ATP2C2: variants seen among roughly 807,000 people sequenced by gnomAD.
ATP2C2 encodes the protein ATPase secretory pathway Ca2+ transporting 2.
A neutral mutation model predicts 110.8 loss-of-function variants in ATP2C2; 171 were observed. The ratio of observed to expected loss-of-function variants is 1.54; its 90% CI spans 1.36 to 1.75. ATP2C2 has a LOEUF of 1.75. Ranked by LOEUF, ATP2C2 falls within the 40% of genes most tolerant of loss-of-function variation. ATP2C2 has a pLI of 0.00. For missense variants in ATP2C2, 1,963 were observed against 1,235.0 expected, an observed-to-expected ratio of 1.59 and a Z score of -8.84; for synonymous variants, 804 against 508.4, an observed-to-expected ratio of 1.58 and a Z score of -7.82.
At chr16:84,420,383 C>G (rs1019416786) in intron 7 of ATP2C2, among the ~76,000 whole-genome samples, 7 of 152,148 alleles carry the variant, frequency 4.6e-5, no homozygotes, top group East Asian at 1.9e-4. Context: ...CATGTGCCTC[C>G]TCTCTTCCAA....
chr16:84,455,076 G>GGA lies in ATP2C2; in HGVS notation c.2147+93_2147+94insAG, dbSNP rs1555568540. 3.6e-5 allele frequency: 54 copies of GGA among 1,501,984 alleles called. No individual in the cohort carries two copies. In the East Asian group the frequency reaches 1.1e-3, roughly 30 times the overall value. 93.0% of individuals were successfully genotyped at this position (1,501,984 alleles called of 1,614,324 possible). A position where few individuals can be genotyped will look rare whatever the true frequency, so the allele number is the denominator to read the frequency against. ...CCTGCTACTGTGGAGATAGAGGGGG[G>GGA]GGTCTCGCGGAGTCCCCAGGGAGAG... On this transcript the variant is annotated intron_variant, in intron 21 of 26. Transcript: ENST00000262429.
In ATP2C2 at chr16:84,454,970, C is replaced by T; in HGVS notation, c.2133C>T (p.Asp711=). 1 of 1,613,528 alleles carries T rather than the reference C, an allele frequency of 6.2e-7. No individual in the cohort carries two copies. The highest frequency in any genetic ancestry group is 8.5e-7 in the Non-Finnish European group (1 of 1,179,840). Residue 711 remains aspartate, a synonymous_variant, in exon 21 of 27, where the codon GAC becomes GAT. Coordinates refer to ENST00000262429, the MANE Select transcript of ATP2C2 (RefSeq NM_014861.4). The part of the protein sequence containing the change: ...EAANMILVDD[D]FSAIMNAVEE... ...CCAACATGATCCTGGTGGATGATGA[C>T]TTCTCAGCCATCATGTAAGCTGCCC... is the stretch of plus-strand genomic sequence containing the variant.
At chr16:84,422,292 G>A in intron 7 of ATP2C2, 98 bp from the exon 8 acceptor site, 8 of 1,406,096 alleles carry the variant, frequency 5.7e-6, no homozygotes, top group African/African-American at 2.9e-5. Context: ...GTGTTCTTGA[G>A]TTCATGTCCA....
chr16:84,373,298 G>A (rs1270689550), intron 1 of ATP2C2, among the ~76,000 whole-genome samples: 3 of 152,086 alleles, frequency 2.0e-5, no homozygotes, highest in Non-Finnish European at 4.4e-5. Flanking sequence ...TTACGAGTTC[G>A]AGACCAGCCT....
At chr16:84,406,897 G>GAA (rs771309252) in intron 3 of ATP2C2, among the ~76,000 whole-genome samples, 52 of 152,122 alleles carry the variant, frequency 3.4e-4, no homozygotes, top group Non-Finnish European at 6.2e-4. Context: ...AACCCACCGT[G>GAA]AACATCTTCC....
chr16:84,459,470 C>G, intron 23 of ATP2C2, 84 bp downstream of exon 23: 1 of 1,602,304 alleles, frequency 6.2e-7, no homozygotes, highest in Non-Finnish European at 8.5e-7. Context: ...TGCCCCAAGG[C>G]TATAGGGATG....
intron 6 of ATP2C2, among the ~76,000 whole-genome samples, chr16:84,411,570 T>G (rs247819): frequency 0.57 from 87,297 of 151,926 alleles, 26,015 homozygotes; most frequent in East Asian, 0.87. Flanking sequence ...GCCTCCCAAA[T>G]AGCTGGGACT....
At chr16:84,413,294 A>AGAAAGCC (rs1183211638) in intron 6 of ATP2C2, among the ~76,000 whole-genome samples, 2 of 152,156 alleles carry the variant, frequency 1.3e-5, no homozygotes, top group African/African-American at 4.8e-5. Context: ...GGGCTAGGGT[A>AGAAAGCC]GAAAGCCGTA....
chr16:84,393,443 C>A (rs1904780265), intron 1 of ATP2C2, among the ~76,000 whole-genome samples: 1 of 152,042 alleles, frequency 6.6e-6, no homozygotes, highest in South Asian at 2.1e-4. Flanking sequence ...CCCTCACTTA[C>A]AATGTATTGG....
chr16:84,453,305 C>G lies in ATP2C2; in HGVS notation c.1930-16C>G, dbSNP rs370990491. ...TTTGAAATCTGATTCTTCGTCTTCC[C>G]CGTCTCCGTGTCCAGGTGTCCGTGT... On this transcript the variant is annotated splice_polypyrimidine_tract_variant and intron_variant, in intron 19 of 26. Coordinates refer to ENST00000262429, the MANE Select transcript of ATP2C2 (RefSeq NM_014861.4). 88 of 1,614,004 alleles carry G rather than the reference C, an allele frequency of 5.5e-5. 1 individual carries two copies. The highest frequency in any genetic ancestry group is 3.6e-5 in the Non-Finnish European group (42 of 1,180,028).
intron 1 of ATP2C2, among the ~76,000 whole-genome samples, chr16:84,369,261 C>T (rs1909811792): frequency 6.6e-6 from 1 of 152,106 alleles, no homozygotes; most frequent in African/African-American, 2.4e-5. Flanking sequence ...CTTCAGGGAC[C>T]CTCTGGGATA....
chr16:84,454,663 C>T (rs1033953464), intron 20 of ATP2C2, among the ~76,000 whole-genome samples, 155 bp from the exon 21 acceptor site: 3 of 152,196 alleles, frequency 2.0e-5, no homozygotes, highest in Non-Finnish European at 2.9e-5. Flanking sequence ...GTCAAGGGCT[C>T]GCCCAATTCC....
At chr16:84,432,921 C>T (rs913912101) in intron 11 of ATP2C2, among the ~76,000 whole-genome samples, 13 of 152,156 alleles carry the variant, frequency 8.5e-5, no homozygotes, top group East Asian at 7.7e-4. Context: ...CCCCTGAGAG[C>T]GGGCTCCAGC....
At chr16:84,431,208 G>A (rs954498402) in intron 11 of ATP2C2, among the ~76,000 whole-genome samples, 3 of 152,114 alleles carry the variant, frequency 2.0e-5, no homozygotes, top group African/African-American at 7.2e-5. Flanking sequence ...TAAAAGGGAG[G>A]TAGAAACCAG....
chr16:84,446,422 A>C lies in ATP2C2; in HGVS notation c.1495A>C (p.Lys499Gln). Residue 499 changes from lysine to glutamine, a missense_variant, in exon 16 of 27, where the codon AAG (lysine) becomes CAG (glutamine). Lys to Gln is a moderately conservative substitution (Grantham distance 53, BLOSUM62 1). Transcript: ENST00000262429. Reference sequence around the variant, plus strand: ...GTGGATGGCGGTGAAATGCAGTCTGAAGACTGAGGTGAGACCTTTCAATCT... The same window carrying C: ...GTGGATGGCGGTGAAATGCAGTCTGCAGACTGAGGTGAGACCTTTCAATCT... ...QKWMAVKCSL[K>Q]TEDQEDIYFM... The C allele has an allele frequency of 6.3e-7, 1 of 1,599,608 alleles. No individual in the cohort carries two copies. Among genetic ancestry groups the C allele is most frequent in the South Asian group, 1.1e-5 (1 of 88,210 alleles).
chr16:84,368,574 C>T lies in ATP2C2; in HGVS notation c.-42C>T. 1 of 1,473,946 alleles carries T rather than the reference C, an allele frequency of 6.8e-7. No homozygotes were observed. The highest frequency in any genetic ancestry group is 1.9e-4 in the Middle Eastern group (1 of 5,386). 91.3% of individuals were successfully genotyped at this position (1,473,946 alleles called of 1,614,324 possible). On this transcript the variant is annotated 5_prime_UTR_variant, in exon 1 of 27. Transcript: ENST00000262429. ...GCGCGCGCAGCCATCCCGGGCCTCG[C>T]CGGGGACCTAGGGACGCAGGCAACG... is the stretch of plus-strand genomic sequence containing the variant.
In ATP2C2 at chr16:84,460,730, G is replaced by A. The variant is rs1196153073; in HGVS notation, c.2410G>A (p.Ala804Thr). The change falls in exon 24 of 27, where the codon GCC becomes ACC. Residue 804 changes from alanine (A) to threonine (T), a missense_variant. By Grantham distance (58) the Ala-to-Thr change is moderately conservative. Transcript: ENST00000262429. The stretch of plus-strand genomic sequence containing the variant: ...TGTGCGGGACACCATCCTCAGCAGA[G>A]CCCTCATCCTGAAGATCCTCATGTC... ...RSVRDTILSRALILKILMSAA... is the reference protein window; with the variant it reads ...RSVRDTILSRTLILKILMSAA... 2.5e-6 allele frequency: 4 copies of A among 1,614,078 alleles called. No individual in the cohort carries two copies. Among genetic ancestry groups the A allele is most frequent in the Admixed American group, 1.7e-5 (1 of 60,008 alleles).
At chr16:84,409,978 G>C (rs571258520) in intron 4 of ATP2C2, among the ~76,000 whole-genome samples, 4 of 152,146 alleles carry the variant, frequency 2.6e-5, no homozygotes, top group Admixed American at 6.6e-5. Context: ...GGGAGGCCTG[G>C]GGGGTGGATC....
At chr16:84,418,693 C>G (rs954534353) in intron 7 of ATP2C2, among the ~76,000 whole-genome samples, 1 of 152,180 alleles carries the variant, frequency 6.6e-6, no homozygotes, top group African/African-American at 2.4e-5. Flanking sequence ...CCTCTAGCTC[C>G]GCAGCCCATG....
Sources: gnomAD v4.1 joint callset for allele counts (sites outside exome capture counted in the v4.1 genomes callset) on GRCh38, gnomAD v4.1.1 for gene constraint, MANE v1.5 for transcripts, NCBI Gene and HGNC (gene_info 2026-07-23, HGNC 2026-07-21) for gene names.